PDE4D: variants seen among roughly 807,000 people sequenced by gnomAD.
PDE4D encodes 3',5'-cyclic-AMP phosphodiesterase 4D.
In PDE4D, 24 loss-of-function variants were observed where a neutral mutation model predicts 87.4. That is an observed-to-expected ratio of 0.27 (90% CI 0.20 to 0.39). The LOEUF is 0.39. Ranked by LOEUF, PDE4D falls within the 10% of genes least tolerant of loss-of-function variation. The pLI is 1.00. For synonymous variants in PDE4D, 384 were observed against 383.2 expected (o/e 1.00, Z -0.02); for missense variants, 714 against 1,041.0 (o/e 0.69, Z 4.32).
chr5:59,377,548 C>T (rs1252403487), intron 1 of PDE4D, among the ~76,000 whole-genome samples: 1 of 151,950 alleles, frequency 6.6e-6, no homozygotes. Flanking sequence ...CAGAGTGAGC[C>T]TATAAAATGG....
intron 5 of PDE4D, among the ~76,000 whole-genome samples, chr5:59,108,532 G>A (rs763969366): frequency 6.6e-6 from 1 of 152,072 alleles, no homozygotes; most frequent in Non-Finnish European, 1.5e-5. Flanking sequence ...AGGGCTAAAA[G>A]GCTGAACATA....
At position 59,087,731 on chromosome 5, in the gene PDE4D, A is replaced by G. The variant is rs914116770; in HGVS notation, c.809-48760T>C. On this transcript the variant is annotated intron_variant, in intron 5 of 14. Coordinates refer to ENST00000340635, the MANE Select transcript of PDE4D (RefSeq NM_001104631.2). ...CTCTCTCACTCCTTCCCCATCACCT[A>G]TAGTGCCACAATCTGTAACCTGTTT... 7.2e-5 allele frequency among the ~76,000 whole-genome samples: 11 copies of G among 152,216 alleles called. No individual in the cohort carries two copies. In the East Asian group the frequency reaches 1.9e-3, roughly 27 times the overall value.
intron 1 of PDE4D, among the ~76,000 whole-genome samples, chr5:59,622,214 C>T (rs1301323708): frequency 6.6e-6 from 1 of 152,098 alleles, no homozygotes; most frequent in African/African-American, 2.4e-5. Context: ...CACATACCCA[C>T]ACACTATATA....
At chr5:59,597,541 G>A (rs1229002809) in intron 1 of PDE4D, among the ~76,000 whole-genome samples, 3 of 151,964 alleles carry the variant, frequency 2.0e-5, no homozygotes, top group Non-Finnish European at 4.4e-5. Flanking sequence ...GAGAGAGAGA[G>A]AGATTTTGGA....
At position 60,395,848 on chromosome 5, in the gene PDE4D, A is replaced by G. The variant is rs574211575; in HGVS notation, c.-90+92094T>C. Among the ~76,000 whole-genome samples the G allele has an allele frequency of 1.7e-3, 265 of 151,640 alleles. 3 individuals carry two copies. The highest frequency in any genetic ancestry group is 3.1e-3 in the Admixed American group (47 of 15,236). On this transcript the variant is annotated intron_variant, in intron 1 of 16. Transcript: ENST00000502484. Reference sequence around the variant, plus strand: ...TCTACCTTGCTTAGGTGCCCATTCCATGAGTTGTTTGAGCCCCCTAACCAA... The same window carrying G: ...TCTACCTTGCTTAGGTGCCCATTCCGTGAGTTGTTTGAGCCCCCTAACCAA...
intron 1 of PDE4D, among the ~76,000 whole-genome samples, chr5:59,738,317 G>T (rs1403866861): frequency 6.6e-6 from 1 of 152,084 alleles, no homozygotes; most frequent in Non-Finnish European, 1.5e-5. Context: ...ATATGGGGCA[G>T]TACAATATAA....
At chr5:59,303,891 C>T (rs1385064167) in intron 1 of PDE4D, among the ~76,000 whole-genome samples, 1 of 151,872 alleles carries the variant, frequency 6.6e-6, no homozygotes, top group Non-Finnish European at 1.5e-5. Context: ...TTGGTTCCAT[C>T]TGAGTTTTAG....
intron 6 of PDE4D, chr5:58,999,594 G>T: frequency 8.2e-7 from 1 of 1,220,214 alleles, no homozygotes; most frequent in Non-Finnish European, 1.0e-6. Flanking sequence ...GCTCTAAAAT[G>T]TATTTAGCTT....
At chr5:58,987,634 A>G (rs1347214145) in intron 11 of PDE4D, among the ~76,000 whole-genome samples, 1 of 50,728 alleles carries the variant, frequency 2.0e-5, no homozygotes, top group African/African-American at 5.5e-5. Context: ...CATAGCCTCA[A>G]GCAAAAATGA....
chr5:59,207,427 G>A (rs1489252237), intron 2 of PDE4D, among the ~76,000 whole-genome samples: 1 of 151,918 alleles, frequency 6.6e-6, no homozygotes, highest in African/African-American at 2.4e-5. Flanking sequence ...TCAACTATGG[G>A]TCCTTCATCT....
At chr5:59,392,858 T>G (rs1281147900) in intron 1 of PDE4D, among the ~76,000 whole-genome samples, 1 of 151,996 alleles carries the variant, frequency 6.6e-6, no homozygotes, top group Non-Finnish European at 1.5e-5. Flanking sequence ...CACCTGGAAA[T>G]AGTGTGTAGG....
At chr5:59,632,653 G>A (rs751177653) in intron 1 of PDE4D, among the ~76,000 whole-genome samples, 1 of 152,190 alleles carries the variant, frequency 6.6e-6, no homozygotes, top group Non-Finnish European at 1.5e-5. Context: ...CTGACTGCTA[G>A]AAGGAAAACT....
chr5:60,417,842 T>C (rs1194715567), intron 1 of PDE4D, among the ~76,000 whole-genome samples: 2 of 151,708 alleles, frequency 1.3e-5, no homozygotes, highest in Admixed American at 6.6e-5. Flanking sequence ...ACATGAGAAA[T>C]GTCCTTGTCT....
At chr5:60,466,101 C>A (rs747214315) in intron 1 of PDE4D, among the ~76,000 whole-genome samples, 9 of 152,136 alleles carry the variant, frequency 5.9e-5, no homozygotes, top group Non-Finnish European at 1.2e-4. Context: ...CTGACTATAT[C>A]ATTTCTTTTG....
At chr5:59,698,007 C>T (rs1752033043) in intron 1 of PDE4D, among the ~76,000 whole-genome samples, 1 of 152,132 alleles carries the variant, frequency 6.6e-6, no homozygotes, top group African/African-American at 2.4e-5. Flanking sequence ...GCTCCTCTCT[C>T]AAGCAGTTTA....
At position 59,757,878 on chromosome 5, in the gene PDE4D, A is replaced by G. The variant is rs1006223934; in HGVS notation, c.455+135290T>C. On this transcript the variant is annotated intron_variant, in intron 1 of 14. Transcript: ENST00000340635. ...TTCACCAAGGACATATATTTCTCCT[A>G]CACACACATATTTTTATAAGAATAT... is the stretch of plus-strand genomic sequence containing the variant. 2.0e-5 allele frequency among the ~76,000 whole-genome samples: 3 copies of G among 152,156 alleles called. 1 individual carries two copies. The South Asian group carries it at 6.2e-4, about 32-fold the overall frequency.
chr5:59,135,231 T>C (rs1468277650), intron 5 of PDE4D, among the ~76,000 whole-genome samples: 1 of 152,212 alleles, frequency 6.6e-6, no homozygotes, highest in African/African-American at 2.4e-5. Context: ...TTAAGGCACA[T>C]TTATTTCTGT....
rs182972794 is a variant in PDE4D, at chr5:59,725,465, C to T, written c.455+167703G>A. On this transcript the variant is annotated intron_variant, in intron 1 of 14. Coordinates refer to ENST00000340635, the MANE Select transcript of PDE4D (RefSeq NM_001104631.2). ...TTGAAATACCAAGCAAAAAAGAGTA[C>T]GTAAAAGAGCAAGAGGACTTTCTGA... Among the ~76,000 whole-genome samples the T allele has an allele frequency of 4.6e-5, 7 of 152,072 alleles. No individual in the cohort carries two copies. In the East Asian group the frequency reaches 7.7e-4, roughly 17 times the overall value.
At position 59,748,545 on chromosome 5, in the gene PDE4D, G is replaced by A. The variant is rs144637130; in HGVS notation, c.455+144623C>T. On this transcript the variant is annotated intron_variant, in intron 1 of 14. Transcript: ENST00000340635. ...AAACCATCATTCTCAGCAAACTATC[G>A]CAAGGACAAAAAACCAAATATCACA... Among the ~76,000 whole-genome samples, 30 of 150,726 alleles carry A rather than the reference G, an allele frequency of 2.0e-4. No individual in the cohort carries two copies. In the East Asian group the frequency reaches 3.8e-3, roughly 19 times the overall value.
Sources: gnomAD v4.1 joint callset for allele counts (sites outside exome capture counted in the v4.1 genomes callset) on GRCh38, gnomAD v4.1.1 for gene constraint, MANE v1.5 for transcripts, NCBI Gene and HGNC (gene_info 2026-07-23, HGNC 2026-07-21) for gene names.